NKAIN2: variants seen among roughly 807,000 people sequenced by gnomAD.
NKAIN2 encodes the protein sodium/potassium-transporting ATPase subunit beta-1-interacting protein 2.
NKAIN2 carries 14 observed loss-of-function variants against 32.6 expected under a neutral mutation model. The ratio of observed to expected loss-of-function variants is 0.43; its 90% confidence interval spans 0.28 to 0.67. The LOEUF is 0.67. Ranked by LOEUF, NKAIN2 falls within the 30% of genes least tolerant of loss-of-function variation. The pLI, the probability that NKAIN2 is intolerant of heterozygous loss-of-function variation, is 0.17. For synonymous variants in NKAIN2, 80 were observed against 87.2 expected, an observed-to-expected ratio of 0.92 and a Z score of 0.46; for missense variants, 198 against 258.3, an observed-to-expected ratio of 0.77 and a Z score of 1.60.
chr6:123,959,923 ATATGTGTGTGTG>A (rs1562278845), intron 1 of NKAIN2, among the ~76,000 whole-genome samples: 2 of 124,880 alleles, frequency 1.6e-5, no homozygotes, highest in South Asian at 2.9e-4. Flanking sequence ...TGTCTTCCAT[ATATGTGTGTGTG>A]TGTGTGTGTG....
chr6:124,759,812 A>C (rs1008477848), intron 4 of NKAIN2, among the ~76,000 whole-genome samples: 3 of 151,974 alleles, frequency 2.0e-5, no homozygotes, highest in Non-Finnish European at 4.4e-5. Context: ...TGTTGAAAGC[A>C]TGATAGTAAA....
chr6:123,851,921 T>C (rs1343910627), intron 1 of NKAIN2, among the ~76,000 whole-genome samples: 1 of 152,206 alleles, frequency 6.6e-6, no homozygotes, highest in African/African-American at 2.4e-5. Flanking sequence ...TTTCATTTTA[T>C]TTTTATTTTT....
At chr6:124,295,199 T>C (rs1284046391) in intron 2 of NKAIN2, among the ~76,000 whole-genome samples, 2 of 152,180 alleles carry the variant, frequency 1.3e-5, no homozygotes, top group Non-Finnish European at 2.9e-5. Context: ...ATTTTCAGAG[T>C]AGTTTGTACC....
chr6:124,150,560 T>C (rs1329212105), intron 1 of NKAIN2, among the ~76,000 whole-genome samples: 1 of 152,204 alleles, frequency 6.6e-6, no homozygotes, highest in Non-Finnish European at 1.5e-5. Flanking sequence ...ATTGTAATGA[T>C]GAATTACAAT....
intron 1 of NKAIN2, among the ~76,000 whole-genome samples, chr6:124,049,264 C>A (rs1161532774): frequency 6.6e-6 from 1 of 151,886 alleles, no homozygotes; most frequent in African/African-American, 2.4e-5. Flanking sequence ...AAAATAAATA[C>A]TAAATGATTA....
intron 3 of NKAIN2, among the ~76,000 whole-genome samples, chr6:124,558,328 G>A (rs1161578402): frequency 6.6e-6 from 1 of 152,184 alleles, no homozygotes; most frequent in Non-Finnish European, 1.5e-5. Flanking sequence ...GATTGAATGG[G>A]TGAATGTGAG....
At chr6:124,160,327 G>A (rs1788206392) in intron 1 of NKAIN2, among the ~76,000 whole-genome samples, 1 of 152,092 alleles carries the variant, frequency 6.6e-6, no homozygotes, top group Non-Finnish European at 1.5e-5. Context: ...GCTTGCAAGT[G>A]CACTTTCTGT....
intron 2 of NKAIN2, among the ~76,000 whole-genome samples, chr6:124,321,407 G>T (rs1033266074): frequency 6.6e-6 from 1 of 152,046 alleles, no homozygotes; most frequent in Admixed American, 6.6e-5. Context: ...ACCATGTCAC[G>T]TGTATACCAA....
At chr6:124,621,161 G>C (rs149980046) in intron 3 of NKAIN2, among the ~76,000 whole-genome samples, 1 of 152,282 alleles carries the variant, frequency 6.6e-6, no homozygotes, top group East Asian at 1.9e-4. Flanking sequence ...TAACAAAGCT[G>C]TTTAGGTAAT....
At chr6:124,014,857 A>G (rs540396170) in intron 1 of NKAIN2, among the ~76,000 whole-genome samples, 1 of 152,248 alleles carries the variant, frequency 6.6e-6, no homozygotes, top group South Asian at 2.1e-4. Flanking sequence ...AAGGCTACAT[A>G]TTATTCACCA....
chr6:124,426,342 C>T (rs1774980940), intron 3 of NKAIN2, among the ~76,000 whole-genome samples: 2 of 152,120 alleles, frequency 1.3e-5, no homozygotes, highest in African/African-American at 4.8e-5. Flanking sequence ...ACTGACTTTA[C>T]TGATACTAAA....
At chr6:124,774,662 C>A (rs758790020) in intron 4 of NKAIN2, among the ~76,000 whole-genome samples, 10 of 151,982 alleles carry the variant, frequency 6.6e-5, no homozygotes, top group Non-Finnish European at 1.3e-4. Flanking sequence ...TTGAGACCAG[C>A]CTGGCCAACA....
At chr6:124,811,474 T>C (rs1047427070) in intron 5 of NKAIN2, among the ~76,000 whole-genome samples, 6 of 152,312 alleles carry the variant, frequency 3.9e-5, no homozygotes, top group African/African-American at 1.2e-4. Context: ...ACAGGAAATA[T>C]ATTGTCACAA....
intron 1 of NKAIN2, among the ~76,000 whole-genome samples, chr6:123,857,443 G>A (rs1184124477): frequency 6.6e-6 from 1 of 152,102 alleles, no homozygotes; most frequent in Non-Finnish European, 1.5e-5. Context: ...TAGCACCAAT[G>A]TGTATAAACA....
chr6:124,231,715 T>C lies in NKAIN2; in HGVS notation c.55-51290T>C, dbSNP rs573954281. Among the ~76,000 whole-genome samples, 4 of 152,266 alleles carry C rather than the reference T, an allele frequency of 2.6e-5. No homozygotes were observed. The South Asian group carries it at 6.2e-4, about 24-fold the overall frequency. On this transcript the variant is annotated intron_variant, in intron 1 of 6. Transcript: ENST00000368417. ...TACTCCACCTTGCCTTCTGCCATGATTGCGAGGCCTCCCCAGCCATATGGA... is the reference window on the plus strand; with the variant it reads ...TACTCCACCTTGCCTTCTGCCATGACTGCGAGGCCTCCCCAGCCATATGGA...
At chr6:124,115,165 GCTATATA>G (rs1316862020) in intron 1 of NKAIN2, among the ~76,000 whole-genome samples, 9 of 152,176 alleles carry the variant, frequency 5.9e-5, no homozygotes, top group African/African-American at 2.2e-4. Flanking sequence ...TTAACGTTAG[GCTATATA>G]TATGGAATTT....
chr6:124,244,766 T>G (rs1375747736), intron 1 of NKAIN2, among the ~76,000 whole-genome samples: 1 of 152,156 alleles, frequency 6.6e-6, no homozygotes, highest in South Asian at 2.1e-4. Flanking sequence ...TACAGGATAC[T>G]TAACTCTAAA....
chr6:124,524,441 T>C (rs914665371), intron 3 of NKAIN2, among the ~76,000 whole-genome samples: 2 of 152,328 alleles, frequency 1.3e-5, no homozygotes, highest in East Asian at 1.9e-4. Flanking sequence ...TATCAAACTT[T>C]ATTGTTATTT....
At chr6:124,474,180 G>C (rs1301145533) in intron 3 of NKAIN2, among the ~76,000 whole-genome samples, 1 of 151,470 alleles carries the variant, frequency 6.6e-6, no homozygotes. Flanking sequence ...ATAATCTTTA[G>C]AGCTCTATTT....
Sources: gnomAD v4.1 joint callset for allele counts (sites outside exome capture counted in the v4.1 genomes callset) on GRCh38, gnomAD v4.1.1 for gene constraint, MANE v1.5 for transcripts, NCBI Gene and HGNC (gene_info 2026-07-23, HGNC 2026-07-21) for gene names.